PHF6: variants seen among roughly 807,000 people sequenced by gnomAD.
PHF6 encodes PHD-like zinc finger protein.
Under a neutral mutation model 34.0 loss-of-function variants are expected in PHF6, and 7 were observed. The ratio of observed to expected loss-of-function variants is 0.21; its 90% CI spans 0.12 to 0.39. The LOEUF is 0.39. PHF6 is among the 10% of genes least tolerant of loss of function. The probability of loss-of-function intolerance (pLI) is 1.00; values close to 1 mark genes in which losing one functional copy is unlikely to be tolerated. For synonymous variants in PHF6, 89 were observed against 88.4 expected, an observed-to-expected ratio of 1.01 and a Z score of -0.04; for missense variants, 128 against 262.8, an observed-to-expected ratio of 0.49 and a Z score of 3.55.
At chrX:134,406,062 T>TTTTCTTTTTCTTTC (rs2077422219) in intron 5 of PHF6, among the ~76,000 whole-genome samples, 2 of 78,076 alleles carry the variant, frequency 2.6e-5, no homozygotes, top group East Asian at 4.4e-4. Flanking sequence ...TCCTTTTTCT[T>TTTTCTTTTTCTTTC]TTTCTTTCTT....
chrX:134,400,467 C>T (rs1602705886), intron 5 of PHF6, among the ~76,000 whole-genome samples: 1 of 96,402 alleles, frequency 1.0e-5, no homozygotes, highest in South Asian at 5.1e-4. Context: ...ATGCTATGGG[C>T]AGGAAGAGAT....
At chrX:134,401,608 G>T in intron 5 of PHF6, among the ~76,000 whole-genome samples, 1 of 111,745 alleles carries the variant, frequency 8.9e-6, no homozygotes, top group Non-Finnish European at 1.9e-5. Context: ...TTAGAATCTG[G>T]GTGAAGGGTA....
chrX:134,427,003 T>G lies in PHF6; in HGVS notation c.*1343T>G, dbSNP rs2124263148. On this transcript the variant is annotated 3_prime_UTR_variant, in exon 11 of 11. Transcript: ENST00000370803. ...ACTGTACATTGAGATATTCTGCAGC[T>G]GATAGAGCAGCATTTTAAAAATGTA... 1 of 163,476 alleles carries G rather than the reference T, an allele frequency of 6.1e-6. No individual in the cohort carries two copies. The highest frequency in any genetic ancestry group is 3.0e-5 in the African/African-American group (1 of 33,401). 13.5% of individuals were successfully genotyped at this position (163,476 alleles called of 1,213,427 possible). A position where few individuals can be genotyped will look rare whatever the true frequency, so the allele number is the denominator to read the frequency against.
At chrX:134,390,665 A>G (rs1164637501) in intron 3 of PHF6, among the ~76,000 whole-genome samples, 1 of 112,046 alleles carries the variant, frequency 8.9e-6, no homozygotes, top group African/African-American at 3.2e-5. Context: ...TTGCATATAA[A>G]AGTACTTTTG....
At chrX:134,382,118 T>C (rs1383025272) in intron 3 of PHF6, among the ~76,000 whole-genome samples, 1 of 111,636 alleles carries the variant, frequency 9.0e-6, no homozygotes, top group East Asian at 2.8e-4. Context: ...TTTTATGTTC[T>C]TGCTGCCACA....
chrX:134,421,641 AG>A (rs1354243441), intron 9 of PHF6, among the ~76,000 whole-genome samples: 1 of 110,731 alleles, frequency 9.0e-6, no homozygotes, highest in African/African-American at 3.3e-5. Context: ...AATATAGATG[AG>A]AAAAAATACT....
Position 134,381,495 on chromosome X carries a change from A to ATTT in PHF6, c.240+3403_240+3405dup, listed in dbSNP as rs72244870. On this transcript the variant is annotated intron_variant, in intron 3 of 10. Transcript: ENST00000370803. ...TAGGTAATCAGCTTCCCTAATTGAC[A>ATTT]TTTTTTTTTTTTTTTTGAGATGGAG... Among the ~76,000 whole-genome samples, 3 of 95,764 alleles carry ATTT rather than the reference A, an allele frequency of 3.1e-5. No individual in the cohort carries two copies. In the Admixed American group the frequency reaches 3.4e-4, roughly 11 times the overall value. 83.2% of individuals were successfully genotyped at this position (95,764 alleles called of 115,157 possible). A position where few individuals can be genotyped will look rare whatever the true frequency, so the allele number is the denominator to read the frequency against.
At chrX:134,424,232 C>T (rs1044015272) in intron 9 of PHF6, among the ~76,000 whole-genome samples, 1 of 110,593 alleles carries the variant, frequency 9.0e-6, no homozygotes, top group Non-Finnish European at 1.9e-5. Context: ...ATCTGTATAC[C>T]CAAATAAAAG....
chrX:134,398,275 A>C (rs2077385837), intron 5 of PHF6, among the ~76,000 whole-genome samples: 1 of 111,645 alleles, frequency 9.0e-6, no homozygotes, highest in Admixed American at 9.6e-5. Context: ...CTGTAGTCCC[A>C]GCTACTCGGG....
intron 3 of PHF6, among the ~76,000 whole-genome samples, chrX:134,393,243 A>G (rs923487021): frequency 1.8e-5 from 2 of 112,200 alleles, no homozygotes; most frequent in African/African-American, 3.2e-5. Context: ...CAGTATTTCA[A>G]ATTTTCTCTT....
At chrX:134,425,476 A>C (rs1449379455) in intron 10 of PHF6, 146 bp downstream of exon 10, 1 of 676,722 alleles carries the variant, frequency 1.5e-6, no homozygotes, top group African/African-American at 2.2e-5. Flanking sequence ...AGGATTTTGT[A>C]GGCTTGCATA....
chrX:134,390,431 A>G (rs2077348496), intron 3 of PHF6, among the ~76,000 whole-genome samples: 1 of 112,181 alleles, frequency 8.9e-6, no homozygotes, highest in Non-Finnish European at 1.9e-5. Flanking sequence ...TAAAAAAATT[A>G]TCTGTCCTGA....
chrX:134,424,583 T>A (rs2077501899), intron 9 of PHF6, among the ~76,000 whole-genome samples: 1 of 112,075 alleles, frequency 8.9e-6, no homozygotes, highest in African/African-American at 3.2e-5. Flanking sequence ...GTTGACAGAC[T>A]GTCTGGTCTA....
At chrX:134,416,601 A>G (rs1206749479) in intron 8 of PHF6, among the ~76,000 whole-genome samples, 3 of 111,853 alleles carry the variant, frequency 2.7e-5, no homozygotes, top group Non-Finnish European at 5.6e-5. Context: ...CAATAAAGTG[A>G]TCTGCTTAAC....
chrX:134,422,897 A>G, intron 9 of PHF6, among the ~76,000 whole-genome samples: 1 of 112,001 alleles, frequency 8.9e-6, no homozygotes, highest in African/African-American at 3.2e-5. Flanking sequence ...TTGCTCCAAC[A>G]ACAAAGCACT....
chrX:134,412,374 C>T (rs2077454572), intron 5 of PHF6, among the ~76,000 whole-genome samples: 1 of 111,821 alleles, frequency 8.9e-6, no homozygotes, highest in African/African-American at 3.2e-5. Flanking sequence ...AGTATACCAA[C>T]TGAATTGCCC....
chrX:134,390,769 GT>G (rs1213696467), intron 3 of PHF6, among the ~76,000 whole-genome samples: 1 of 110,791 alleles, frequency 9.0e-6, no homozygotes, highest in Non-Finnish European at 1.9e-5. Flanking sequence ...ACTTGCACCT[GT>G]TTTAAAGAAT....
At chrX:134,411,660 A>G (rs2077451342) in intron 5 of PHF6, among the ~76,000 whole-genome samples, 1 of 111,530 alleles carries the variant, frequency 9.0e-6, no homozygotes, top group Non-Finnish European at 1.9e-5. Context: ...TTATATATAC[A>G]TACACATAGA....
At chrX:134,386,280 T>C (rs1253649758) in intron 3 of PHF6, among the ~76,000 whole-genome samples, 1 of 111,795 alleles carries the variant, frequency 8.9e-6, no homozygotes, top group Admixed American at 9.5e-5. Flanking sequence ...TCACAGAAGC[T>C]GAAGATTCTG....
Sources: gnomAD v4.1 joint callset for allele counts (sites outside exome capture counted in the v4.1 genomes callset) on GRCh38, gnomAD v4.1.1 for gene constraint, MANE v1.5 for transcripts, NCBI Gene and HGNC (gene_info 2026-07-23, HGNC 2026-07-21) for gene names.